Variants in ZDHHC14 observed in about 807,000 individuals in gnomAD.
The protein encoded by ZDHHC14 is zDHHC palmitoyltransferase 14, also known as palmitoyltransferase ZDHHC14.
Under a neutral mutation model 47.7 loss-of-function variants are expected in ZDHHC14, and 16 were observed. The observed-to-expected ratio is 0.34, with a 90% CI of 0.23 to 0.51. The LOEUF is 0.51. ZDHHC14 is among the 20% of genes least tolerant of loss of function. ZDHHC14 has a pLI of 0.97. For missense variants in ZDHHC14, 515 were observed against 662.5 expected, an observed-to-expected ratio of 0.78 and a Z score of 2.44; for synonymous variants, 293 against 278.9, an observed-to-expected ratio of 1.05 and a Z score of -0.50.
At chr6:157,602,305 G>A (rs1328500717) in intron 3 of ZDHHC14, among the ~76,000 whole-genome samples, 2 of 151,346 alleles carry the variant, frequency 1.3e-5, no homozygotes, top group Admixed American at 6.6e-5. Context: ...TCAGGTGTTC[G>A]AAACCAGCCT....
At chr6:157,384,121 C>G (rs1163936689) in intron 1 of ZDHHC14, among the ~76,000 whole-genome samples, 1 of 152,140 alleles carries the variant, frequency 6.6e-6, no homozygotes, top group Admixed American at 6.5e-5. Flanking sequence ...TCCAAATTGG[C>G]ACTTTTGCTC....
At position 157,673,118 on chromosome 6, in the gene ZDHHC14, T is replaced by C; in HGVS notation, c.1463T>C (p.Val488Ala). The change falls in exon 9 of 9, where the codon GTG (valine) becomes GCG (alanine). Residue 488 changes from valine (V) to alanine (A), a missense_variant. Coordinates refer to ENST00000359775, the MANE Select transcript of ZDHHC14 (RefSeq NM_024630.3). This position sits in a 1 kb window ranked among gnomAD's most constrained non-coding sequence, Gnocchi z 5.4. ...CGCGGCCTGGTGAAGCTCAGCTCCGTGTGACCCACATGGCCCCAGGCCGGG... is the reference window on the plus strand; with the variant it reads ...CGCGGCCTGGTGAAGCTCAGCTCCGCGTGACCCACATGGCCCCAGGCCGGG... ...SVRGLVKLSS[V>A] 1 of 1,571,506 alleles carries C rather than the reference T, an allele frequency of 6.4e-7. No individual in the cohort carries two copies. The highest frequency in any genetic ancestry group is 8.6e-7 in the Non-Finnish European group (1 of 1,167,938).
chr6:157,395,505 C>T (rs1230489119), intron 1 of ZDHHC14, among the ~76,000 whole-genome samples: 1 of 151,954 alleles, frequency 6.6e-6, no homozygotes, highest in African/African-American at 2.4e-5. Context: ...CCTTAAAAAT[C>T]CCAAGTTCCG....
intron 1 of ZDHHC14, among the ~76,000 whole-genome samples, chr6:157,435,531 TTCTC>T (rs762480715): frequency 6.6e-5 from 10 of 151,876 alleles, no homozygotes; most frequent in East Asian, 1.9e-4. Flanking sequence ...CCTCCCTCAT[TTCTC>T]TCTCTCTCTA....
At chr6:157,508,928 A>C (rs1356627310) in intron 1 of ZDHHC14, among the ~76,000 whole-genome samples, 1 of 152,172 alleles carries the variant, frequency 6.6e-6, no homozygotes, top group Non-Finnish European at 1.5e-5. Flanking sequence ...AAAAAGAGAG[A>C]GCCCACTTCC....
At position 157,674,113 on chromosome 6, in the gene ZDHHC14, C is replaced by T. The variant is rs866344108; in HGVS notation, c.*991C>T. 2 of 152,330 alleles carry T rather than the reference C, an allele frequency of 1.3e-5. No homozygotes were observed. Among genetic ancestry groups the T allele is most frequent in the Non-Finnish European group, 2.9e-5 (2 of 68,008 alleles). The allele number at this position is 152,330 out of a possible 1,614,324, so 9.4% of individuals were successfully genotyped here. On this transcript the variant is annotated 3_prime_UTR_variant, in exon 9 of 9. Transcript: ENST00000359775. Reference sequence around the variant, plus strand: ...ATTTCTTAGATAAGAGGCAAGTTTTCCATCATTTATTTTCTTTAATTATCT... The same window carrying T: ...ATTTCTTAGATAAGAGGCAAGTTTTTCATCATTTATTTTCTTTAATTATCT...
intron 1 of ZDHHC14, among the ~76,000 whole-genome samples, chr6:157,445,547 C>T (rs947484057): frequency 2.6e-5 from 4 of 152,164 alleles, no homozygotes; most frequent in African/African-American, 7.2e-5. Context: ...TGGTCCCTCA[C>T]GGTGTGTGGC....
At chr6:157,573,914 G>A (rs1219942784) in intron 2 of ZDHHC14, among the ~76,000 whole-genome samples, 2 of 151,980 alleles carry the variant, frequency 1.3e-5, no homozygotes, top group Non-Finnish European at 2.9e-5. Flanking sequence ...TATGGGGTCT[G>A]TGCTCAAGCA....
At chr6:157,405,392 C>T (rs1034253978) in intron 1 of ZDHHC14, among the ~76,000 whole-genome samples, 14 of 152,184 alleles carry the variant, frequency 9.2e-5, no homozygotes, top group Non-Finnish European at 2.9e-5. Flanking sequence ...GCCACCACGC[C>T]TGGCTAATTT....
chr6:157,526,325 C>T (rs1781149030), intron 1 of ZDHHC14, among the ~76,000 whole-genome samples: 1 of 152,176 alleles, frequency 6.6e-6, no homozygotes, highest in Non-Finnish European at 1.5e-5. Context: ...AAGGGACTTT[C>T]CCAGGCTTCT....
intron 2 of ZDHHC14, among the ~76,000 whole-genome samples, chr6:157,548,220 A>C (rs1782066216): frequency 6.6e-6 from 1 of 151,992 alleles, no homozygotes; most frequent in African/African-American, 2.4e-5. Flanking sequence ...CCCCCAATTC[A>C]TATTTGCATC....
At chr6:157,418,876 CAG>C (rs1174153584) in intron 1 of ZDHHC14, among the ~76,000 whole-genome samples, 1 of 152,186 alleles carries the variant, frequency 6.6e-6, no homozygotes, top group Admixed American at 6.5e-5. Context: ...TATTTAAAGA[CAG>C]AGTTACTAAG....
intron 7 of ZDHHC14, 81 bp from the exon 8 acceptor site, chr6:157,653,444 G>A (rs749361959): frequency 3.0e-4 from 444 of 1,472,836 alleles, no homozygotes; most frequent in Non-Finnish European, 4.0e-4. Flanking sequence ...AGGGAGCCCC[G>A]ACGCGGAACC....
chr6:157,660,180 CTTTTTTTCTTTTTTTTT>C (rs1268215009), intron 8 of ZDHHC14, among the ~76,000 whole-genome samples: 5 of 135,272 alleles, frequency 3.7e-5, no homozygotes, highest in Non-Finnish European at 7.8e-5. Flanking sequence ...TTCTTACTTT[CTTTTTTTCTTTTTTTTT>C]TTTTTTTCTT....
rs531643349 is a variant in ZDHHC14 at position 157,575,612 on chromosome 6, C to T, written c.407-17376C>T. 2.6e-5 allele frequency among the ~76,000 whole-genome samples: 4 copies of T among 152,320 alleles called. No individual in the cohort carries two copies. In the South Asian group the frequency reaches 8.3e-4, roughly 32 times the overall value. ...TCCCTGCTCCCAGCGAGTGTGCACACCCCCACACACATTGTCTAGGGAAAG... is the reference window on the plus strand; with the variant it reads ...TCCCTGCTCCCAGCGAGTGTGCACATCCCCACACACATTGTCTAGGGAAAG... On this transcript the variant is annotated intron_variant, in intron 2 of 8. Transcript: ENST00000359775.
intron 1 of ZDHHC14, among the ~76,000 whole-genome samples, chr6:157,412,720 G>A (rs941153231): frequency 5.3e-5 from 8 of 152,206 alleles, no homozygotes; most frequent in African/African-American, 1.4e-4. Flanking sequence ...ATAAGCACAA[G>A]CGCACCATAG....
chr6:157,430,709 C>T (rs1778322038), intron 1 of ZDHHC14, among the ~76,000 whole-genome samples: 1 of 152,232 alleles, frequency 6.6e-6, no homozygotes, highest in South Asian at 2.1e-4. Context: ...TGCCATGTCA[C>T]TTAACGTATT....
intron 1 of ZDHHC14, among the ~76,000 whole-genome samples, chr6:157,450,890 T>C (rs1778787373): frequency 6.6e-6 from 1 of 152,224 alleles, no homozygotes; most frequent in African/African-American, 2.4e-5. Context: ...TATTTTACCT[T>C]GATTTTAACT....
At chr6:157,532,092 G>A (rs1253166286) in intron 1 of ZDHHC14, among the ~76,000 whole-genome samples, 3 of 152,198 alleles carry the variant, frequency 2.0e-5, no homozygotes, top group African/African-American at 4.8e-5. Flanking sequence ...GGGGGAGGAG[G>A]AGCAGGCACA....
Sources: allele counts gnomAD v4.1 joint callset (sites outside exome capture counted in the v4.1 genomes callset), GRCh38; gene constraint gnomAD v4.1.1; non-coding constraint Gnocchi (gnomAD v3.1); transcripts MANE v1.5; gene names NCBI Gene and HGNC (gene_info 2026-07-23, HGNC 2026-07-21).